HCN1: variants seen among roughly 807,000 people sequenced by gnomAD.
HCN1 encodes the protein hyperpolarization activated cyclic nucleotide gated potassium channel 1, also known as potassium/sodium hyperpolarization-activated cyclic nucleotide-gated channel 1.
In HCN1, 13 loss-of-function variants were observed where a neutral mutation model predicts 78.9. That is an observed-to-expected ratio of 0.16 (90% CI 0.11 to 0.26). The LOEUF is 0.26. Ranked by LOEUF, HCN1 falls within the 10% of genes least tolerant of loss-of-function variation. HCN1 has a pLI of 1.00. For synonymous variants in HCN1, 552 were observed against 455.5 expected (o/e 1.21, Z -2.70); for missense variants, 810 against 1,154.3 (o/e 0.70, Z 4.32).
intron 2 of HCN1, among the ~76,000 whole-genome samples, chr5:45,525,128 C>T (rs1375605493): frequency 1.3e-5 from 2 of 152,010 alleles, no homozygotes; most frequent in Non-Finnish European, 1.5e-5. Flanking sequence ...TGGTTTTTGT[C>T]TTTGGTTCTG....
intron 1 of HCN1, among the ~76,000 whole-genome samples, chr5:45,685,683 G>A (rs1169014125): frequency 1.3e-5 from 2 of 151,734 alleles, no homozygotes; most frequent in Non-Finnish European, 1.5e-5. Flanking sequence ...TTGCACTCCA[G>A]CCTGGGCAAA....
Position 45,256,053 on chromosome 5 carries a change from G to A in HCN1, c.*5868C>T, listed in dbSNP as rs1579757764. On this transcript the variant is annotated 3_prime_UTR_variant, in exon 8 of 8. Coordinates refer to ENST00000303230, the MANE Select transcript of HCN1 (RefSeq NM_021072.4). ...ATCAATAGTATTCTCTGCTCATATG[G>A]TATTACTGAAACAACTACATAGAAA... The A allele has an allele frequency of 6.6e-6, 1 of 152,086 alleles. No homozygotes were observed. Among genetic ancestry groups the A allele is most frequent in the East Asian group, 1.9e-4 (1 of 5,180 alleles). 9.4% of individuals were successfully genotyped at this position (152,086 alleles called of 1,614,324 possible).
intron 4 of HCN1, among the ~76,000 whole-genome samples, chr5:45,372,119 A>C (rs1381040142): frequency 1.8e-5 from 1 of 56,274 alleles, no homozygotes; most frequent in Non-Finnish European, 2.7e-5. Context: ...ATATAATTAT[A>C]TATTATATAT....
intron 1 of HCN1, among the ~76,000 whole-genome samples, chr5:45,692,041 A>G (rs1739924551): frequency 6.6e-6 from 1 of 152,226 alleles, no homozygotes; most frequent in Non-Finnish European, 1.5e-5. Context: ...CTGGCAATAC[A>G]TATGGAAAGG....
chr5:45,295,030 G>A (rs1274317617), intron 6 of HCN1, among the ~76,000 whole-genome samples: 1 of 152,032 alleles, frequency 6.6e-6, no homozygotes, highest in African/African-American at 2.4e-5. Flanking sequence ...GAGGAGTTAA[G>A]CAGGAGTCCA....
intron 2 of HCN1, among the ~76,000 whole-genome samples, chr5:45,540,243 T>C (rs1743072956): frequency 1.3e-5 from 2 of 152,016 alleles, no homozygotes; most frequent in South Asian, 4.2e-4. Context: ...ATTTTTTCCA[T>C]GTAAGTACTC....
intron 1 of HCN1, among the ~76,000 whole-genome samples, chr5:45,659,084 T>A (rs913495235): frequency 6.6e-6 from 1 of 152,054 alleles, no homozygotes; most frequent in Non-Finnish European, 1.5e-5. Context: ...CCAGTGGTTC[T>A]CCCAGCACGC....
At chr5:45,491,632 G>A (rs948690685) in intron 2 of HCN1, among the ~76,000 whole-genome samples, 6 of 152,094 alleles carry the variant, frequency 3.9e-5, no homozygotes, top group Non-Finnish European at 8.8e-5. Context: ...GTTTATGGGT[G>A]TGCTTTGTAT....
intron 2 of HCN1, among the ~76,000 whole-genome samples, chr5:45,539,387 G>A (rs1043200482): frequency 6.6e-6 from 1 of 151,198 alleles, no homozygotes; most frequent in Admixed American, 6.6e-5. Flanking sequence ...ATAAGGCCGG[G>A]TGTGGTGGCT....
intron 5 of HCN1, among the ~76,000 whole-genome samples, chr5:45,318,267 A>T (rs1370982812): frequency 6.6e-6 from 1 of 152,142 alleles, no homozygotes; most frequent in East Asian, 1.9e-4. Flanking sequence ...CTTTGTAGGG[A>T]CATGGATGAA....
intron 6 of HCN1, among the ~76,000 whole-genome samples, chr5:45,279,255 A>G (rs1408303689): frequency 6.6e-6 from 1 of 152,176 alleles, no homozygotes; most frequent in Admixed American, 6.6e-5. Flanking sequence ...TCATTTGGTC[A>G]ACATGATAAA....
intron 3 of HCN1, among the ~76,000 whole-genome samples, chr5:45,437,493 T>A (rs1006705721): frequency 6.6e-6 from 1 of 152,250 alleles, no homozygotes; most frequent in Admixed American, 6.5e-5. Flanking sequence ...TTTTATTATT[T>A]CCAAGAATAC....
At chr5:45,304,342 G>A (rs568304183) in intron 5 of HCN1, among the ~76,000 whole-genome samples, 1 of 151,318 alleles carries the variant, frequency 6.6e-6, no homozygotes. Flanking sequence ...TGAGGACAAT[G>A]GATAGTACAG....
intron 3 of HCN1, among the ~76,000 whole-genome samples, chr5:45,425,157 G>A (rs974727646): frequency 6.6e-6 from 1 of 151,992 alleles, no homozygotes; most frequent in Non-Finnish European, 1.5e-5. Context: ...CCTATTGCCG[G>A]GCATAATATA....
At chr5:45,561,598 GA>G (rs67020505) in intron 2 of HCN1, among the ~76,000 whole-genome samples, 45,149 of 142,054 alleles carry the variant, frequency 0.32, 6,983 homozygotes, top group South Asian at 0.46. Flanking sequence ...TGAGAAAAAA[GA>G]AAAAAAAAAA....
At chr5:45,476,882 C>A (rs938258008) in intron 2 of HCN1, among the ~76,000 whole-genome samples, 2 of 151,938 alleles carry the variant, frequency 1.3e-5, no homozygotes, top group African/African-American at 4.8e-5. Flanking sequence ...ATAAAGTTAC[C>A]TTCAGGCTAT....
chr5:45,499,165 G>A (rs1561178516), intron 2 of HCN1, among the ~76,000 whole-genome samples: 1 of 152,156 alleles, frequency 6.6e-6, no homozygotes, highest in Non-Finnish European at 1.5e-5. Flanking sequence ...GCAATGGTGG[G>A]CACCCCTCCC....
chr5:45,327,158 G>GT (rs1263051498), intron 5 of HCN1, among the ~76,000 whole-genome samples: 4 of 151,602 alleles, frequency 2.6e-5, no homozygotes, highest in African/African-American at 9.7e-5. Flanking sequence ...GTAGCAAGGT[G>GT]TAAGAATGAT....
At chr5:45,406,984 T>C (rs1739939618) in intron 3 of HCN1, among the ~76,000 whole-genome samples, 1 of 152,170 alleles carries the variant, frequency 6.6e-6, no homozygotes, top group South Asian at 2.1e-4. Context: ...TACAGTTATC[T>C]GATAGGAACA....
Sources: allele counts gnomAD v4.1 joint callset (sites outside exome capture counted in the v4.1 genomes callset), GRCh38; gene constraint gnomAD v4.1.1; transcripts MANE v1.5; gene names NCBI Gene and HGNC (gene_info 2026-07-23, HGNC 2026-07-21).